PRKCZ: variants seen among roughly 807,000 people sequenced by gnomAD.
The protein encoded by PRKCZ is protein kinase C zeta type.
Under a neutral mutation model 79.5 loss-of-function variants are expected in PRKCZ, and 33 were observed. The observed-to-expected ratio is 0.41, with a 90% CI of 0.31 to 0.55. The LOEUF is 0.55. Among genes scored for constraint, PRKCZ ranks in the 20% least tolerant of loss-of-function variants. PRKCZ has a pLI of 0.19. For missense variants in PRKCZ, 578 were observed against 813.5 expected, an observed-to-expected ratio of 0.71 and a Z score of 3.52; for synonymous variants, 342 against 320.9, an observed-to-expected ratio of 1.07 and a Z score of -0.70.
chr1:2,073,801 C>T, intron 4 of PRKCZ: 24 of 1,028,718 alleles, frequency 2.3e-5, no homozygotes, highest in Non-Finnish European at 2.8e-5. Context: ...AGCCTCCCTG[C>T]CTATTGTCGG....
chr1:2,050,082 G>C (rs967173803), upstream of PRKCZ: 2 of 152,238 alleles, frequency 1.3e-5, no homozygotes, highest in Non-Finnish European at 2.9e-5. Flanking sequence ...GTTTCGATTC[G>C]GAGGGTCTGG....
intron 5 of PRKCZ, among the ~76,000 whole-genome samples, chr1:2,135,886 T>C (rs1440222032): frequency 2.0e-5 from 3 of 152,198 alleles, no homozygotes; most frequent in Non-Finnish European, 4.4e-5. Flanking sequence ...TCCTATGAAA[T>C]GGGTGATTCA....
rs1440762635 is a variant in PRKCZ at position 2,150,948 on chromosome 1, G to T, written c.846G>T (p.Val282=). The T allele has an allele frequency of 6.2e-7, 1 of 1,614,032 alleles. No individual in the cohort carries two copies. The highest frequency in any genetic ancestry group is 1.3e-5 in the African/African-American group (1 of 75,058). The change falls in exon 9 of 18, where the codon GTG becomes GTT. Residue 282 remains valine (V), a synonymous_variant. Transcript: ENST00000378567. The stretch of plus-strand genomic sequence containing the variant: ...ATGACCAAATTTACGCCATGAAAGT[G>T]GTGAAGAAAGAGCTGGTGCATGATG... ...KKNDQIYAMK[V]VKKELVHDDE...
At chr1:2,074,576 C>T in intron 4 of PRKCZ, 1 of 538,476 alleles carries the variant, frequency 1.9e-6, no homozygotes, top group Non-Finnish European at 3.3e-6. Context: ...GCACCTGTTC[C>T]AGGCCTGCGG....
chr1:2,124,309 G>C (rs1360173470), intron 4 of PRKCZ, among the ~76,000 whole-genome samples: 8 of 138,276 alleles, frequency 5.8e-5, no homozygotes, highest in African/African-American at 1.8e-4. Flanking sequence ...TGGTAGTTAG[G>C]GTCACGGTGG....
rs28879779 is a variant in PRKCZ, at chr1:2,063,994, C to T, written c.334+4403C>T. Among the ~76,000 whole-genome samples the T allele has an allele frequency of 2.4e-3, 372 of 152,138 alleles. 8 individuals carry two copies. In the East Asian group the frequency reaches 0.062, roughly 25 times the overall value. On this transcript the variant is annotated intron_variant, in intron 4 of 17. Coordinates refer to ENST00000378567, the MANE Select transcript of PRKCZ (RefSeq NM_002744.6). ...CTGAGTAGCTGGGATTACAGGCACC[C>T]GCCACCATGTCCAGCTAGTTTTTGT...
chr1:2,068,226 GC>G (rs1196835212), intron 4 of PRKCZ, among the ~76,000 whole-genome samples: 2 of 152,220 alleles, frequency 1.3e-5, no homozygotes, highest in African/African-American at 4.8e-5. Context: ...GGGTGGGGCG[GC>G]CCGGCTTCGA....
intron 4 of PRKCZ, among the ~76,000 whole-genome samples, chr1:2,120,407 C>T (rs898692687): frequency 7.5e-6 from 1 of 133,400 alleles, no homozygotes; most frequent in African/African-American, 2.8e-5. Context: ...TCAAGTGATT[C>T]TCCTGCCTCA....
At chr1:2,054,566 G>A (rs549138874) in intron 1 of PRKCZ, among the ~76,000 whole-genome samples, 4 of 151,148 alleles carry the variant, frequency 2.6e-5, no homozygotes, top group African/African-American at 7.3e-5. Context: ...GTGTGACTCG[G>A]TTTTAAAAAA....
chr1:2,085,591 T>TG (rs1553138780), intron 4 of PRKCZ, among the ~76,000 whole-genome samples: 1 of 151,416 alleles, frequency 6.6e-6, no homozygotes, highest in Non-Finnish European at 1.5e-5. Flanking sequence ...GCTGAGGATA[T>TG]GGGGGGCCCT....
chr1:2,131,962 C>T (rs2102994794), intron 4 of PRKCZ, among the ~76,000 whole-genome samples: 1 of 152,306 alleles, frequency 6.6e-6, no homozygotes, highest in South Asian at 2.1e-4. Context: ...CAGGCGCCCA[C>T]CACCACACCC....
intron 16 of PRKCZ, chr1:2,181,977 C>G (rs989709651): frequency 1.5e-5 from 6 of 405,322 alleles, no homozygotes; most frequent in Admixed American, 1.4e-4. Context: ...CCAGCACCGT[C>G]TCCTCCACCC....
At chr1:2,147,244 C>T (rs542460696) in intron 7 of PRKCZ, among the ~76,000 whole-genome samples, 4 of 151,246 alleles carry the variant, frequency 2.6e-5, no homozygotes, top group Admixed American at 1.3e-4. Context: ...TGTCCACTGA[C>T]GTCTCCATCT....
Position 2,169,528 on chromosome 1 carries a change from G to A in PRKCZ, c.985G>A (p.Val329Ile), listed in dbSNP as rs1684006639. ...CCTCTCTCCCTGCAGGTTGTTCCTG[G>A]TCATTGAGTACGTCAACGGCGGGGA... ...CFQTTSRLFL[V>I]IEYVNGGDLM... is the part of the protein sequence containing the mutation. The change falls in exon 11 of 18, where the codon GTC becomes ATC. Residue 329 changes from valine to isoleucine, a missense_variant. Transcript: ENST00000378567. The A allele has an allele frequency of 1.9e-6, 3 of 1,549,056 alleles. No individual in the cohort carries two copies. Among genetic ancestry groups the A allele is most frequent in the Admixed American group, 2.0e-5 (1 of 50,912 alleles).
At chr1:2,112,229 C>G (rs1302044305) in intron 4 of PRKCZ, among the ~76,000 whole-genome samples, 1 of 152,190 alleles carries the variant, frequency 6.6e-6, no homozygotes, top group Non-Finnish European at 1.5e-5. Context: ...CCCTAAATTG[C>G]TCATAAAACA....
intron 1 of PRKCZ, among the ~76,000 whole-genome samples, chr1:2,055,028 C>T (rs1036480861): frequency 7.9e-5 from 12 of 151,712 alleles, no homozygotes; most frequent in African/African-American, 9.7e-5. Context: ...CTGCAAGCTC[C>T]GCCTCCCGGG....
intron 4 of PRKCZ, among the ~76,000 whole-genome samples, chr1:2,095,001 G>A (rs1204367589): frequency 6.6e-6 from 1 of 152,194 alleles, no homozygotes; most frequent in Non-Finnish European, 1.5e-5. Flanking sequence ...GCCTGTGGGT[G>A]ATGCAGACAC....
Position 2,169,540 on chromosome 1 carries a change from G to A in PRKCZ, c.997G>A (p.Val333Ile), listed in dbSNP as rs886151696. 5 of 1,547,208 alleles carry A rather than the reference G, an allele frequency of 3.2e-6. No homozygotes were observed. Among genetic ancestry groups the A allele is most frequent in the African/African-American group, 2.7e-5 (2 of 72,898 alleles). Residue 333 changes from valine to isoleucine, a missense_variant, in exon 11 of 18, where the codon GTC becomes ATC. By Grantham distance (29) the Val-to-Ile change is conservative (BLOSUM62 3). Coordinates refer to ENST00000378567, the MANE Select transcript of PRKCZ (RefSeq NM_002744.6). The part of the protein sequence containing the change: ...TSRLFLVIEY[V>I]NGGDLMFHMQ... ...CAGGTTGTTCCTGGTCATTGAGTAC[G>A]TCAACGGCGGGGACCTGATGTTCCA... is the stretch of plus-strand genomic sequence containing the variant.
At chr1:2,064,206 T>G (rs1458157945) in intron 4 of PRKCZ, among the ~76,000 whole-genome samples, 1 of 152,258 alleles carries the variant, frequency 6.6e-6, no homozygotes, top group Non-Finnish European at 1.5e-5. Context: ...GTGTCCATTT[T>G]TGAATGGGTT....
Sources: gnomAD v4.1 joint callset for allele counts (sites outside exome capture counted in the v4.1 genomes callset) on GRCh38, gnomAD v4.1.1 for gene constraint, MANE v1.5 for transcripts, NCBI Gene and HGNC (gene_info 2026-07-23, HGNC 2026-07-21) for gene names.